Variants in RABGAP1L observed in about 807,000 individuals in gnomAD.
The protein encoded by RABGAP1L is rab GTPase-activating protein 1-like.
In RABGAP1L, 63 loss-of-function variants were observed where a neutral mutation model predicts 137.7. That is an observed-to-expected ratio of 0.46 (90% CI 0.37 to 0.56). The LOEUF is 0.56. RABGAP1L is among the 20% of genes least tolerant of loss of function. RABGAP1L has a pLI of 0.00. For missense variants in RABGAP1L, 1,095 were observed against 1,244.0 expected, an observed-to-expected ratio of 0.88 and a Z score of 1.80; for synonymous variants, 431 against 433.7, an observed-to-expected ratio of 0.99 and a Z score of 0.08.
At chr1:174,350,230 C>T (rs1273227539) in intron 11 of RABGAP1L, among the ~76,000 whole-genome samples, 10 of 136,704 alleles carry the variant, frequency 7.3e-5, no homozygotes, top group African/African-American at 2.5e-4. Context: ...GGCTGCCGGG[C>T]GGAGACGCTC....
rs34341853 is a variant in RABGAP1L, at chr1:174,790,622, G to GAA, written c.2212-21200_2212-21199dup. Among the ~76,000 whole-genome samples, 271 of 142,846 alleles carry GAA rather than the reference G, an allele frequency of 1.9e-3. 1 individual carries two copies. Among genetic ancestry groups the GAA allele is most frequent in the South Asian group, 6.8e-3 (31 of 4,546 alleles). 93.7% of individuals were successfully genotyped at this position (142,846 alleles called of 152,430 possible). A position where few individuals can be genotyped will look rare whatever the true frequency, so the allele number is the denominator to read the frequency against. The stretch of plus-strand genomic sequence containing the variant: ...GCACTCTAGCCTGGGCGACAAAAGT[G>GAA]AAAAAAAAAAAGAAAAGAGAAAGCC... On this transcript the variant is annotated intron_variant, in intron 18 of 25. Coordinates refer to ENST00000681986, the MANE Select transcript of RABGAP1L (RefSeq NM_001366446.1).
chr1:174,456,484 C>T (rs539169415), intron 13 of RABGAP1L, among the ~76,000 whole-genome samples: 8 of 151,936 alleles, frequency 5.3e-5, no homozygotes, highest in Admixed American at 1.3e-4. Context: ...GAGTCATCAT[C>T]GGTTGGATTT....
At chr1:174,343,474 C>G (rs1682161782) in intron 11 of RABGAP1L, among the ~76,000 whole-genome samples, 1 of 152,116 alleles carries the variant, frequency 6.6e-6, no homozygotes, top group Non-Finnish European at 1.5e-5. Flanking sequence ...TTTTACCACT[C>G]TAGTTCACAA....
At chr1:174,959,704 A>G (rs1041949713) in intron 20 of RABGAP1L, among the ~76,000 whole-genome samples, 4 of 152,160 alleles carry the variant, frequency 2.6e-5, no homozygotes, top group Non-Finnish European at 4.4e-5. Context: ...ACATTCATCT[A>G]ATGTCTCTAT....
At chr1:174,769,655 G>C (rs1685957585) in intron 18 of RABGAP1L, among the ~76,000 whole-genome samples, 1 of 152,110 alleles carries the variant, frequency 6.6e-6, no homozygotes, top group Admixed American at 6.5e-5. Flanking sequence ...ATGAATGGCA[G>C]CTTGAAGGCT....
chr1:174,882,563 C>T (rs1163677866), intron 19 of RABGAP1L, among the ~76,000 whole-genome samples: 4 of 152,126 alleles, frequency 2.6e-5, no homozygotes, highest in Admixed American at 6.5e-5. Flanking sequence ...TTATGACCCA[C>T]TAAATTGAAT....
chr1:174,208,187 A>T (rs1387689268), intron 1 of RABGAP1L, among the ~76,000 whole-genome samples: 2 of 151,992 alleles, frequency 1.3e-5, no homozygotes, highest in African/African-American at 4.8e-5. Flanking sequence ...TGTCCATTGT[A>T]TGTAGGGAGG....
intron 13 of RABGAP1L, among the ~76,000 whole-genome samples, chr1:174,622,518 G>T (rs1312523626): frequency 1.3e-5 from 2 of 152,202 alleles, no homozygotes; most frequent in East Asian, 3.8e-4. Context: ...GGAATACTAT[G>T]CAGCCATAAA....
intron 18 of RABGAP1L, among the ~76,000 whole-genome samples, chr1:174,810,256 AAGAC>A (rs1052843125): frequency 6.6e-6 from 1 of 152,174 alleles, no homozygotes; most frequent in Non-Finnish European, 1.5e-5. Flanking sequence ...AGCAGTGTGA[AAGAC>A]AGACAAAGAG....
chr1:174,849,608 A>G, intron 19 of RABGAP1L: 1 of 362,690 alleles, frequency 2.8e-6, no homozygotes, highest in Non-Finnish European at 5.3e-6. Flanking sequence ...ACAATTTAAT[A>G]TGTGAAAAAT....
At chr1:174,569,241 C>T (rs1667806474) in intron 13 of RABGAP1L, among the ~76,000 whole-genome samples, 1 of 152,152 alleles carries the variant, frequency 6.6e-6, no homozygotes, top group Non-Finnish European at 1.5e-5. Flanking sequence ...GTTGTGCACC[C>T]CACCCAGCCC....
intron 10 of RABGAP1L, among the ~76,000 whole-genome samples, chr1:174,287,346 ACT>A (rs1676149088): frequency 6.6e-6 from 1 of 151,848 alleles, no homozygotes; most frequent in Non-Finnish European, 1.5e-5. Flanking sequence ...AAATATAGCC[ACT>A]CTGTTCTCTT....
intron 13 of RABGAP1L, among the ~76,000 whole-genome samples, chr1:174,617,881 G>C (rs1672042878): frequency 6.7e-6 from 1 of 148,920 alleles, no homozygotes; most frequent in Admixed American, 6.6e-5. Flanking sequence ...GCAGGACAGT[G>C]GGTGCAGCTA....
intron 20 of RABGAP1L, among the ~76,000 whole-genome samples, chr1:174,958,436 CA>C (rs1360803194): frequency 6.6e-6 from 1 of 152,132 alleles, no homozygotes; most frequent in African/African-American, 2.4e-5. Context: ...TTCAGACTCA[CA>C]CAGATACGTA....
intron 1 of RABGAP1L, among the ~76,000 whole-genome samples, chr1:174,186,390 T>C (rs1298138080): frequency 6.6e-6 from 1 of 152,220 alleles, no homozygotes; most frequent in Non-Finnish European, 1.5e-5. Flanking sequence ...TAATTCTGGG[T>C]GATTTGGCAA....
chr1:174,428,715 C>G (rs12083355), intron 13 of RABGAP1L, among the ~76,000 whole-genome samples: 21,646 of 152,066 alleles, frequency 0.14, 5,144 homozygotes, highest in African/African-American at 0.49. Flanking sequence ...CTCAAAGACC[C>G]TCTTTTCACC....
At chr1:174,300,749 C>G (rs1367352757) in intron 10 of RABGAP1L, among the ~76,000 whole-genome samples, 1 of 152,048 alleles carries the variant, frequency 6.6e-6, no homozygotes, top group Non-Finnish European at 1.5e-5. Context: ...TGCCTGTAAT[C>G]ATAGCTACTT....
intron 13 of RABGAP1L, among the ~76,000 whole-genome samples, chr1:174,447,043 A>C (rs1654850354): frequency 2.0e-5 from 3 of 152,194 alleles, no homozygotes; most frequent in Admixed American, 2.0e-4. Context: ...TACATATTTT[A>C]TTATCATGCT....
At chr1:174,878,811 T>G (rs2149079068) in intron 19 of RABGAP1L, among the ~76,000 whole-genome samples, 1 of 151,862 alleles carries the variant, frequency 6.6e-6, no homozygotes, top group East Asian at 1.9e-4. Flanking sequence ...GTTTAAATGC[T>G]AATTTGAACA....
Sources: allele counts gnomAD v4.1 joint callset (sites outside exome capture counted in the v4.1 genomes callset), GRCh38; gene constraint gnomAD v4.1.1; transcripts MANE v1.5; gene names NCBI Gene and HGNC (gene_info 2026-07-23, HGNC 2026-07-21).